SBF2: variants seen among roughly 807,000 people sequenced by gnomAD.
SBF2 encodes SET binding factor 2.
A neutral mutation model predicts 225.2 loss-of-function variants in SBF2; 112 were observed. That is an observed-to-expected ratio of 0.50 (90% CI 0.43 to 0.58). The LOEUF (loss-of-function observed/expected upper bound fraction) is 0.58, where lower values mean the gene tolerates loss of function less well. Ranked by LOEUF, SBF2 falls within the 20% of genes least tolerant of loss-of-function variation. SBF2 has a pLI of 0.00. For synonymous variants in SBF2, 763 were observed against 773.3 expected (o/e 0.99, Z 0.22); for missense variants, 1,996 against 2,206.2 (o/e 0.90, Z 1.91).
chr11:9,847,530 A>AAT (rs1410180641), intron 22 of SBF2, among the ~76,000 whole-genome samples: 1 of 151,820 alleles, frequency 6.6e-6, no homozygotes, highest in Non-Finnish European at 1.5e-5. Flanking sequence ...AAAAAAAAAA[A>AAT]AATACTCCTC....
chr11:9,916,674 T>G (rs1440099677), intron 16 of SBF2, among the ~76,000 whole-genome samples: 1 of 150,676 alleles, frequency 6.6e-6, no homozygotes. Context: ...CATGGCTCAC[T>G]GCAACCTTGA....
At chr11:10,078,311 T>C (rs1951210667) in intron 2 of SBF2, among the ~76,000 whole-genome samples, 1 of 152,176 alleles carries the variant, frequency 6.6e-6, no homozygotes, top group African/African-American at 2.4e-5. Context: ...ATCATTCTAA[T>C]ATAAAGACAC....
intron 2 of SBF2, among the ~76,000 whole-genome samples, chr11:10,164,313 CA>C (rs986888661): frequency 6.6e-6 from 1 of 152,060 alleles, no homozygotes; most frequent in African/African-American, 2.4e-5. Context: ...TACATTTCCT[CA>C]AAAAAATTCA....
At chr11:9,990,926 G>C (rs1050935542) in intron 12 of SBF2, among the ~76,000 whole-genome samples, 18 of 152,128 alleles carry the variant, frequency 1.2e-4, no homozygotes, top group South Asian at 2.1e-4. Context: ...CAAAAATAGA[G>C]GCTGTGGCAA....
chr11:9,968,375 T>C lies in SBF2; in HGVS notation c.1566A>G (p.Glu522=). 1 of 1,614,202 alleles carries C rather than the reference T, an allele frequency of 6.2e-7. No individual in the cohort carries two copies. Among genetic ancestry groups the C allele is most frequent in the Non-Finnish European group, 8.5e-7 (1 of 1,180,030 alleles). ...GACCTGCTGGCACAACACATTTCTT[T>C]TCTATTCGTGTGGCAGGAGGTGCAT... ...NQNAPPATRI[E]KKCVVPAGPP... is the part of the protein sequence containing the mutation. Residue 522 remains glutamate (E), a synonymous_variant, in exon 14 of 40, where the codon GAA becomes GAG. Coordinates refer to ENST00000256190, the MANE Select transcript of SBF2 (RefSeq NM_030962.4).
At chr11:10,090,320 A>T (rs1266988574) in intron 2 of SBF2, among the ~76,000 whole-genome samples, 1 of 152,198 alleles carries the variant, frequency 6.6e-6, no homozygotes, top group African/African-American at 2.4e-5. Context: ...TAAAATGGTT[A>T]AAAAGGTATA....
chr11:10,258,586 A>G (rs1013242902), intron 1 of SBF2, among the ~76,000 whole-genome samples: 13 of 152,204 alleles, frequency 8.5e-5, no homozygotes, highest in African/African-American at 2.9e-4. Context: ...TTTCAACTAA[A>G]CTAGGACAGT....
chr11:10,300,605 T>C (rs1284106659), intron 1 of SBF2, among the ~76,000 whole-genome samples: 6 of 152,148 alleles, frequency 3.9e-5, no homozygotes, highest in Admixed American at 3.9e-4. Context: ...TGGAGACAAG[T>C]AGCATGATGG....
chr11:10,099,161 T>C (rs1299262916), intron 2 of SBF2, among the ~76,000 whole-genome samples: 2 of 152,084 alleles, frequency 1.3e-5, no homozygotes, highest in South Asian at 2.1e-4. Context: ...CACTAAGACA[T>C]GTGCTAATCA....
chr11:9,904,430 T>C (rs1363884064), intron 16 of SBF2, among the ~76,000 whole-genome samples: 1 of 152,104 alleles, frequency 6.6e-6, no homozygotes, highest in Non-Finnish European at 1.5e-5. Flanking sequence ...ATAAACCTAA[T>C]AACTTAGCCT....
At chr11:10,085,751 G>A (rs1565212964) in intron 2 of SBF2, among the ~76,000 whole-genome samples, 1 of 152,066 alleles carries the variant, frequency 6.6e-6, no homozygotes, top group Non-Finnish European at 1.5e-5. Flanking sequence ...CGTTTTGAGT[G>A]GAAGATGTTT....
At chr11:10,234,233 GT>G (rs1437366728) in intron 1 of SBF2, among the ~76,000 whole-genome samples, 3 of 152,128 alleles carry the variant, frequency 2.0e-5, no homozygotes, top group Non-Finnish European at 4.4e-5. Flanking sequence ...TGAGGTAGTT[GT>G]TTTTACCCCT....
In SBF2 at chr11:9,780,483, C is replaced by T. The variant is rs750660963; in HGVS notation, c.5485G>A (p.Ala1829Thr). 9.3e-6 allele frequency: 15 copies of T among 1,613,988 alleles called. No individual in the cohort carries two copies. In the Admixed American group the frequency reaches 1.0e-4, roughly 11 times the overall value. The change falls in exon 40 of 40, where the codon GCC (alanine) becomes ACC (threonine). Residue 1829 changes from alanine (A) to threonine (T), a missense_variant. Transcript: ENST00000256190. ...TGCTGGGCACTCTGTCCATCCTGGGCGCAGAAGTTATACACACGTTTGCTG... is the reference window on the plus strand; with the variant it reads ...TGCTGGGCACTCTGTCCATCCTGGGTGCAGAAGTTATACACACGTTTGCTG... ...KTSKRVYNFC[A>T]QDGQSAQQWM...
At chr11:10,258,079 CAT>C (rs1199956518) in intron 1 of SBF2, among the ~76,000 whole-genome samples, 4 of 118,754 alleles carry the variant, frequency 3.4e-5, no homozygotes, top group East Asian at 2.4e-4. Flanking sequence ...AATACACACA[CAT>C]ACACACACAC....
At chr11:10,045,238 G>C (rs1282919460) in intron 2 of SBF2, among the ~76,000 whole-genome samples, 1 of 151,586 alleles carries the variant, frequency 6.6e-6, no homozygotes, top group Non-Finnish European at 1.5e-5. Context: ...CACGATCTTG[G>C]CTCACTGCAA....
chr11:10,196,923 ATTAC>A (rs1183020081), intron 1 of SBF2, among the ~76,000 whole-genome samples: 1 of 142,592 alleles, frequency 7.0e-6, no homozygotes, highest in Non-Finnish European at 1.5e-5. Context: ...ACACTGGCTT[ATTAC>A]TTAATATTTT....
At chr11:10,265,076 T>C (rs933879614) in intron 1 of SBF2, among the ~76,000 whole-genome samples, 2 of 152,206 alleles carry the variant, frequency 1.3e-5, no homozygotes, top group African/African-American at 4.8e-5. Flanking sequence ...GAATGATTTA[T>C]AATCCTTTGG....
chr11:10,160,114 A>T (rs955379497), intron 2 of SBF2, among the ~76,000 whole-genome samples: 1 of 152,174 alleles, frequency 6.6e-6, no homozygotes, highest in Non-Finnish European at 1.5e-5. Flanking sequence ...GTAAAAGAAG[A>T]AGTAAAAAAT....
chr11:10,086,866 A>G (rs1951585470), intron 2 of SBF2, among the ~76,000 whole-genome samples: 1 of 152,174 alleles, frequency 6.6e-6, no homozygotes, highest in Non-Finnish European at 1.5e-5. Context: ...TGACAATCCA[A>G]TGTGGACTGT....
Sources: allele counts gnomAD v4.1 joint callset (sites outside exome capture counted in the v4.1 genomes callset), GRCh38; gene constraint gnomAD v4.1.1; transcripts MANE v1.5; gene names NCBI Gene and HGNC (gene_info 2026-07-23, HGNC 2026-07-21).